The following ZFHX3 variants were observed in gnomAD, a reference collection of about 807,000 sequenced individuals.
The protein encoded by ZFHX3 is zinc finger homeobox protein 3.
In ZFHX3, 42 loss-of-function variants were observed where a neutral mutation model predicts 279.1. The observed-to-expected ratio is 0.15, with a 90% CI of 0.12 to 0.19. ZFHX3 has a LOEUF of 0.19. ZFHX3 is among the 10% of genes least tolerant of loss of function. The pLI is 1.00. For missense variants in ZFHX3, 4,981 were observed against 4,754.0 expected (o/e 1.05, Z -1.40); for synonymous variants, 2,293 against 1,957.8 (o/e 1.17, Z -4.52).
intron 1 of ZFHX3, among the ~76,000 whole-genome samples, chr16:73,709,360 G>A (rs988286441): frequency 5.3e-5 from 8 of 151,660 alleles, no homozygotes; most frequent in African/African-American, 1.9e-4. Context: ...GAGAGAGAGA[G>A]AGAGAGAGAG....
intron 1 of ZFHX3, among the ~76,000 whole-genome samples, chr16:73,878,004 CAT>C (rs1004965486): frequency 6.6e-6 from 1 of 151,704 alleles, no homozygotes. Context: ...AATATATATA[CAT>C]ATATATATCT....
chr16:73,315,047 G>C (rs2015413154), intron 4 of ZFHX3, among the ~76,000 whole-genome samples: 2 of 152,076 alleles, frequency 1.3e-5, no homozygotes, highest in South Asian at 4.1e-4. Flanking sequence ...GGCCAACGTA[G>C]TGAAACCCTG....
chr16:73,556,216 A>G (rs534219648), intron 2 of ZFHX3, among the ~76,000 whole-genome samples: 5 of 152,310 alleles, frequency 3.3e-5, no homozygotes, highest in African/African-American at 9.6e-5. Flanking sequence ...CATAACAGCC[A>G]CTGCCTAAAA....
chr16:72,856,493 G>T (rs2037758834), intron 4 of ZFHX3, among the ~76,000 whole-genome samples: 1 of 152,316 alleles, frequency 6.6e-6, no homozygotes, highest in Non-Finnish European at 1.5e-5. Context: ...GAGCTTAGAT[G>T]CCTTCAAAAT....
intron 2 of ZFHX3, among the ~76,000 whole-genome samples, chr16:73,615,003 A>G (rs1483298651): frequency 1.3e-5 from 2 of 151,802 alleles, no homozygotes; most frequent in African/African-American, 4.8e-5. Flanking sequence ...CAAGCAATGC[A>G]CCCACGTCGG....
intron 1 of ZFHX3, among the ~76,000 whole-genome samples, chr16:73,728,017 C>CCCCCCCCCCCCT (rs2053535330): frequency 1.1e-5 from 1 of 87,732 alleles, no homozygotes; most frequent in African/African-American, 5.5e-5. Flanking sequence ...CGAATTGTGC[C>CCCCCCCCCCCCT]CCCCCCCCGC....
rs1191236219 is a variant in ZFHX3, at chr16:73,684,011, T to C, written c.-1607-3771A>G. Among the ~76,000 whole-genome samples, 3 of 152,194 alleles carry C rather than the reference T, an allele frequency of 2.0e-5. No homozygotes were observed. The South Asian group carries it at 6.2e-4, about 31-fold the overall frequency. ...CAATAAAACTTTATTTACAAAAACATTGCCAGGCACAGTGGCTCATGCTCA... is the reference window on the plus strand; with the variant it reads ...CAATAAAACTTTATTTACAAAAACACTGCCAGGCACAGTGGCTCATGCTCA... On this transcript the variant is annotated intron_variant, in intron 1 of 17. Transcript: ENST00000641206.
chr16:73,067,337 G>A (rs541930577), intron 8 of ZFHX3, among the ~76,000 whole-genome samples: 2 of 152,332 alleles, frequency 1.3e-5, no homozygotes, highest in South Asian at 4.1e-4. Flanking sequence ...CTTCAGGGAA[G>A]GGCTTCCTGC....
intron 2 of ZFHX3, among the ~76,000 whole-genome samples, chr16:73,527,272 T>C (rs2019712265): frequency 6.6e-6 from 1 of 152,094 alleles, no homozygotes; most frequent in South Asian, 2.1e-4. Flanking sequence ...ATGTGAAGGG[T>C]TGTTGACAGA....
intron 1 of ZFHX3, among the ~76,000 whole-genome samples, chr16:73,722,200 C>T (rs1211936524): frequency 6.6e-6 from 1 of 152,172 alleles, no homozygotes; most frequent in African/African-American, 2.4e-5. Context: ...AACCTACATC[C>T]TAATGGAGCA....
rs543590733 is a variant in ZFHX3, at chr16:73,293,631, A to G, written c.-1194+24609T>C. 2.0e-5 allele frequency among the ~76,000 whole-genome samples: 3 copies of G among 152,354 alleles called. No individual in the cohort carries two copies. In the South Asian group the frequency reaches 6.2e-4, roughly 32 times the overall value. ...TTTTGAAGTTTAACTCTTTCTGGGC[A>G]CAGTCACTTCAAAGAGACAGACTAA... On this transcript the variant is annotated intron_variant, in intron 4 of 17. Transcript: ENST00000641206.
intron 2 of ZFHX3, among the ~76,000 whole-genome samples, chr16:73,484,530 C>T (rs1190285673): frequency 6.6e-6 from 1 of 152,142 alleles, no homozygotes; most frequent in Non-Finnish European, 1.5e-5. Context: ...GAGCTCAGCC[C>T]TTTGTGGGGC....
intron 3 of ZFHX3, among the ~76,000 whole-genome samples, chr16:72,948,872 C>G (rs1960835962): frequency 6.6e-6 from 1 of 152,164 alleles, no homozygotes; most frequent in South Asian, 2.1e-4. Context: ...CAGTTCAGAC[C>G]TCCAATTTAA....
At chr16:73,157,465 T>TTAAAAAAAAAA (rs1346539597) in intron 5 of ZFHX3, among the ~76,000 whole-genome samples, 58 of 76,512 alleles carry the variant, frequency 7.6e-4, no homozygotes, top group South Asian at 1.5e-3. Flanking sequence ...GAATGTTTGG[T>TTAAAAAAAAAA]AAAAAAAAAA....
chr16:73,054,357 C>T (rs1295363701), intron 1 of ZFHX3, among the ~76,000 whole-genome samples: 1 of 151,708 alleles, frequency 6.6e-6, no homozygotes, highest in Non-Finnish European at 1.5e-5. Flanking sequence ...AGCCCGGTTC[C>T]CCTCCCCCAC....
chr16:73,198,072 G>A (rs1332534416), intron 5 of ZFHX3, among the ~76,000 whole-genome samples: 4 of 151,536 alleles, frequency 2.6e-5, no homozygotes, highest in African/African-American at 9.7e-5. Context: ...TGAGTAGCTG[G>A]GACTACAGGC....
intron 7 of ZFHX3, among the ~76,000 whole-genome samples, chr16:73,103,604 C>G (rs532718196): frequency 1.3e-5 from 2 of 152,216 alleles, no homozygotes; most frequent in South Asian, 4.1e-4. Flanking sequence ...AGTCCGTGAA[C>G]TCCTCAGGGG....
At chr16:72,879,392 C>G (rs2038402414) in intron 4 of ZFHX3, among the ~76,000 whole-genome samples, 2 of 152,114 alleles carry the variant, frequency 1.3e-5, no homozygotes, top group African/African-American at 4.8e-5. Context: ...TGCTTAGTCC[C>G]TAAAAGCACA....
At chr16:73,047,462 C>G (rs1051979105) in intron 1 of ZFHX3, among the ~76,000 whole-genome samples, 4 of 152,248 alleles carry the variant, frequency 2.6e-5, no homozygotes, top group African/African-American at 9.6e-5. Context: ...ACACCAGTAC[C>G]ACAAGTATTC....
Sources: gnomAD v4.1 joint callset for allele counts (sites outside exome capture counted in the v4.1 genomes callset) on GRCh38, gnomAD v4.1.1 for gene constraint, MANE v1.5 for transcripts, NCBI Gene and HGNC (gene_info 2026-07-23, HGNC 2026-07-21) for gene names.